THOP1: variants seen among roughly 807,000 people sequenced by gnomAD.
THOP1 encodes thimet oligopeptidase.
A neutral mutation model predicts 71.8 loss-of-function variants in THOP1; 49 were observed. That is an observed-to-expected ratio of 0.68 (90% confidence interval 0.54 to 0.87). The LOEUF (loss-of-function observed/expected upper bound fraction) is 0.87, where lower values mean the gene tolerates loss of function less well. THOP1 is among the 40% of genes least tolerant of loss of function. THOP1 has a pLI of 0.00. For missense variants in THOP1, 843 were observed against 975.6 expected (o/e 0.86, Z 1.81); for synonymous variants, 426 against 421.5 (o/e 1.01, Z -0.13).
intron 5 of THOP1, among the ~76,000 whole-genome samples, chr19:2,802,472 CCAA>C (rs1191239336): frequency 2.7e-5 from 4 of 146,982 alleles, no homozygotes; most frequent in African/African-American, 7.5e-5. Flanking sequence ...CCTCCCGACA[CCAA>C]CACCTCCCGA....
intron 11 of THOP1, 133 bp from the exon 12 acceptor site, chr19:2,811,465 C>T (rs1005580108): frequency 3.0e-5 from 38 of 1,247,904 alleles, no homozygotes; most frequent in Non-Finnish European, 3.7e-5. Context: ...CAGCTGGTCT[C>T]GGCCCTCACC....
intron 2 of THOP1, 142 bp downstream of exon 2, chr19:2,790,775 G>A (rs866627559): frequency 4.5e-5 from 32 of 719,076 alleles, no homozygotes; most frequent in Middle Eastern, 4.1e-4. Context: ...ACAGGGCAGC[G>A]CCACCTGCTC....
At chr19:2,787,811 G>A (rs1489249523) in intron 1 of THOP1, among the ~76,000 whole-genome samples, 1 of 152,156 alleles carries the variant, frequency 6.6e-6, no homozygotes, top group East Asian at 1.9e-4. Context: ...TGGAGGCCGG[G>A]GACGCTGCTC....
intron 1 of THOP1, among the ~76,000 whole-genome samples, chr19:2,788,244 A>C (rs1218628887): frequency 1.3e-5 from 2 of 152,242 alleles, no homozygotes; most frequent in African/African-American, 2.4e-5. Flanking sequence ...GTTTCTTGCC[A>C]GAATCCCAGA....
intron 2 of THOP1, among the ~76,000 whole-genome samples, chr19:2,793,308 G>A (rs1915927910): frequency 6.6e-6 from 1 of 152,064 alleles, no homozygotes. Context: ...CCCTTAAGTG[G>A]TCACGCTCCA....
At chr19:2,807,336 C>T in intron 7 of THOP1, 106 bp from the exon 8 acceptor site, 2 of 1,443,074 alleles carry the variant, frequency 1.4e-6, no homozygotes, top group South Asian at 2.9e-5. Flanking sequence ...TGCGGGTCCT[C>T]CCTTCCAAAT....
chr19:2,806,821 C>G, intron 6 of THOP1, 96 bp from the exon 7 acceptor site: 1 of 1,587,884 alleles, frequency 6.3e-7, no homozygotes. Context: ...TCAGACGGAG[C>G]TGGATATGAG....
Position 2,810,777 on chromosome 19 carries a change from C to G in THOP1, c.1771+9C>G. ...GGTCCCGGCCACGCCAGGTAGCCAC[C>G]CTTGAGCCGGGCACACCCTGGAATT... is the stretch of plus-strand genomic sequence containing the variant. On this transcript the variant is annotated intron_variant, in intron 11 of 12. Coordinates refer to ENST00000307741, the MANE Select transcript of THOP1 (RefSeq NM_003249.5). The G allele has an allele frequency of 6.2e-7, 1 of 1,600,224 alleles. No individual in the cohort carries two copies. The highest frequency in any genetic ancestry group is 1.1e-5 in the South Asian group (1 of 89,590).
At chr19:2,794,690 G>A in intron 2 of THOP1, 74 bp from the exon 3 acceptor site, 2 of 1,533,752 alleles carry the variant, frequency 1.3e-6, no homozygotes, top group East Asian at 2.3e-5. Context: ...GCCTGGGAGA[G>A]GGGTCCGGGC....
At position 2,810,699 on chromosome 19, in the gene THOP1, A is replaced by T. The variant is rs1171912583; in HGVS notation, c.1702A>T (p.Thr568Ser). 5 of 1,577,194 alleles carry T rather than the reference A, an allele frequency of 3.2e-6. No homozygotes were observed. Among genetic ancestry groups the T allele is most frequent in the Non-Finnish European group, 4.3e-6 (5 of 1,161,154 alleles). The change falls in exon 11 of 13, where the codon ACG becomes TCG. Residue 568 changes from threonine (T) to serine (S), a missense_variant. Physicochemically the swap from Thr to Ser is moderately conservative, Grantham distance 58. Coordinates refer to ENST00000307741, the MANE Select transcript of THOP1 (RefSeq NM_003249.5). Reference protein sequence around the residue: ...AKVDQALHTQTDADPAEEYAR... With the variant: ...AKVDQALHTQSDADPAEEYAR... ...GGTGGACCAGGCCCTGCACACGCAG[A>T]CGGACGCAGACCCCGCCGAGGAGTA...
chr19:2,799,703 CAAG>C lies in THOP1; in HGVS notation c.508_510del (p.Lys170del), dbSNP rs1568321794. The C allele has an allele frequency of 1.9e-6, 3 of 1,612,602 alleles. No individual in the cohort carries two copies. Among genetic ancestry groups the C allele is most frequent in the South Asian group, 1.1e-5 (1 of 91,066 alleles). Reference sequence around the variant, plus strand: ...TTTCTCTCCAGAACATCAAACGCATCAAGAAGAAGCTGAGCCTTCTGTGCATCG... The same window carrying C: ...TTTCTCTCCAGAACATCAAACGCATCAAGAAGCTGAGCCTTCTGTGCATCG... On this transcript the variant is annotated inframe_deletion, in exon 5 of 13. Coordinates refer to ENST00000307741, the MANE Select transcript of THOP1 (RefSeq NM_003249.5).
At chr19:2,792,074 G>A (rs528237379) in intron 2 of THOP1, among the ~76,000 whole-genome samples, 1 of 152,324 alleles carries the variant, frequency 6.6e-6, no homozygotes, top group African/African-American at 2.4e-5. Flanking sequence ...CCCCATGCCA[G>A]CTGCCTGGAT....
chr19:2,807,014 A>G lies in THOP1; in HGVS notation c.848A>G (p.Asn283Ser). The G allele has an allele frequency of 1.9e-6, 3 of 1,612,744 alleles. No individual in the cohort carries two copies. Among genetic ancestry groups the G allele is most frequent in the Non-Finnish European group, 2.5e-6 (3 of 1,179,722 alleles). The change falls in exon 7 of 13, where the codon AAC (asparagine) becomes AGC (serine). Residue 283 changes from asparagine (N) to serine (S), a missense_variant. By Grantham distance (46) the Asn-to-Ser change is conservative (BLOSUM62 1). Coordinates refer to ENST00000307741, the MANE Select transcript of THOP1 (RefSeq NM_003249.5). ...HTHADYVLEM[N>S]MAKTSQTVAT... Reference sequence around the variant, plus strand: ...CACGCCGACTATGTCCTGGAGATGAACATGGCCAAGACCAGCCAGACCGTG... The same window carrying G: ...CACGCCGACTATGTCCTGGAGATGAGCATGGCCAAGACCAGCCAGACCGTG...
chr19:2,806,473 C>CA (rs1916295006), intron 6 of THOP1: 1 of 212,516 alleles, frequency 4.7e-6, no homozygotes, highest in Non-Finnish European at 9.3e-6. Context: ...GTAAACGCCT[C>CA]ACGTGGCTTT....
intron 10 of THOP1, 45 bp from the exon 11 acceptor site, chr19:2,810,595 C>T: frequency 1.3e-6 from 2 of 1,536,094 alleles, no homozygotes. Flanking sequence ...GCAGAGTGGG[C>T]CGGGGCAGGT....
chr19:2,811,308 G>A (rs765826363), intron 11 of THOP1, among the ~76,000 whole-genome samples: 7 of 152,232 alleles, frequency 4.6e-5, no homozygotes, highest in Non-Finnish European at 8.8e-5. Context: ...TTGCGTGGGC[G>A]TGCCTTGCTT....
chr19:2,803,577 G>A (rs79569026), intron 5 of THOP1, among the ~76,000 whole-genome samples: 2,228 of 152,220 alleles, frequency 0.015, 43 homozygotes, highest in African/African-American at 0.051. Flanking sequence ...TTTAACTCCC[G>A]TCTCCGACCG....
chr19:2,802,526 C>T (rs1392411032), intron 5 of THOP1, among the ~76,000 whole-genome samples: 2 of 140,996 alleles, frequency 1.4e-5, no homozygotes, highest in East Asian at 4.1e-4. Context: ...GACACCCACA[C>T]CTCCCGACAC....
intron 7 of THOP1, 72 bp from the exon 8 acceptor site, chr19:2,807,370 C>CGCGG (rs1916320196): frequency 6.7e-7 from 1 of 1,484,924 alleles, no homozygotes. Context: ...AAGTCGCGGC[C>CGCGG]GCGGGCGGGC....
Sources: allele counts gnomAD v4.1 joint callset (sites outside exome capture counted in the v4.1 genomes callset), GRCh38; gene constraint gnomAD v4.1.1; transcripts MANE v1.5; gene names NCBI Gene and HGNC (gene_info 2026-07-23, HGNC 2026-07-21).